Variants in PRKD1 observed in about 807,000 individuals in gnomAD.
The protein encoded by PRKD1 is serine/threonine-protein kinase D1.
PRKD1 carries 63 observed loss-of-function variants against 95.9 expected under a neutral mutation model. The observed-to-expected ratio is 0.66, with a 90% CI of 0.54 to 0.81. The LOEUF (loss-of-function observed/expected upper bound fraction) is 0.81. Among genes scored for constraint, PRKD1 ranks in the 30% least tolerant of loss-of-function variants. The probability of loss-of-function intolerance (pLI) is 0.00; values close to 1 mark genes in which losing one functional copy is unlikely to be tolerated. For synonymous variants in PRKD1, 425 were observed against 423.1 expected (o/e 1.00, Z -0.05); for missense variants, 1,048 against 1,165.3 (o/e 0.90, Z 1.47).
intron 2 of PRKD1, among the ~76,000 whole-genome samples, chr14:29,687,339 A>T (rs1883941425): frequency 6.6e-6 from 1 of 152,188 alleles, no homozygotes; most frequent in Non-Finnish European, 1.5e-5. Flanking sequence ...CAGATTTTTG[A>T]TGGGAAGAGA....
chr14:29,632,250 T>C (rs558481631), intron 9 of PRKD1, among the ~76,000 whole-genome samples: 11 of 152,206 alleles, frequency 7.2e-5, no homozygotes, highest in Non-Finnish European at 1.5e-4. Context: ...GTGACAGCTA[T>C]GTAAAATGGC....
intron 6 of PRKD1, among the ~76,000 whole-genome samples, chr14:29,637,225 A>G (rs1880446570): frequency 6.6e-6 from 1 of 152,202 alleles, no homozygotes. Context: ...GATTCAAGCC[A>G]CTGATTCTTA....
At chr14:29,882,441 A>C (rs1228672937) in intron 1 of PRKD1, among the ~76,000 whole-genome samples, 1 of 152,246 alleles carries the variant, frequency 6.6e-6, no homozygotes, top group Non-Finnish European at 1.5e-5. Context: ...GCTAAAAATA[A>C]ATAAGCTCCA....
chr14:29,704,135 A>C (rs1312758531), intron 2 of PRKD1, among the ~76,000 whole-genome samples: 2 of 152,152 alleles, frequency 1.3e-5, no homozygotes, highest in Non-Finnish European at 1.5e-5. Flanking sequence ...GAGGCTGAGA[A>C]AGGGTATCTA....
At chr14:29,664,761 G>C (rs751068370) in intron 3 of PRKD1, among the ~76,000 whole-genome samples, 15 of 152,162 alleles carry the variant, frequency 9.9e-5, no homozygotes, top group Non-Finnish European at 4.4e-5. Context: ...TTATATCATG[G>C]TGTCCTAGCA....
At chr14:29,581,154 G>A (rs1594335737) in intron 16 of PRKD1, among the ~76,000 whole-genome samples, 2 of 152,054 alleles carry the variant, frequency 1.3e-5, no homozygotes, top group East Asian at 3.9e-4. Context: ...TTTGGAGACA[G>A]TGATTCATTC....
At chr14:29,827,845 T>C (rs1891257308) in intron 1 of PRKD1, among the ~76,000 whole-genome samples, 1 of 152,180 alleles carries the variant, frequency 6.6e-6, no homozygotes, top group Admixed American at 6.6e-5. Flanking sequence ...ATTGCTATCA[T>C]TTCTTTGACA....
intron 4 of PRKD1, among the ~76,000 whole-genome samples, chr14:29,650,088 G>A (rs962425937): frequency 6.6e-6 from 1 of 151,930 alleles, no homozygotes; most frequent in Non-Finnish European, 1.5e-5. Flanking sequence ...GGGGTGGTGA[G>A]CCACTCTCGC....
chr14:29,626,403 GT>G, intron 12 of PRKD1, 80 bp downstream of exon 12: 4 of 1,151,434 alleles, frequency 3.5e-6, no homozygotes, highest in Non-Finnish European at 3.8e-6. Context: ...TCTCTTCTAT[GT>G]TTTTCCTGTA....
intron 2 of PRKD1, among the ~76,000 whole-genome samples, chr14:29,689,830 G>A (rs1475221310): frequency 6.6e-6 from 1 of 152,200 alleles, no homozygotes; most frequent in Non-Finnish European, 1.5e-5. Context: ...CAGGGATGTG[G>A]ATGGAGCTGG....
intron 1 of PRKD1, among the ~76,000 whole-genome samples, chr14:29,825,362 G>C (rs1348231896): frequency 6.6e-6 from 1 of 152,118 alleles, no homozygotes; most frequent in Non-Finnish European, 1.5e-5. Flanking sequence ...CAGACTTTAA[G>C]ACGTAGTCAC....
chr14:29,608,594 G>C (rs1241024452), intron 13 of PRKD1, among the ~76,000 whole-genome samples: 1 of 152,044 alleles, frequency 6.6e-6, no homozygotes, highest in African/African-American at 2.4e-5. Flanking sequence ...GTATTTTCAG[G>C]ATACTATATA....
At chr14:29,900,536 A>G (rs1182265759) in intron 1 of PRKD1, among the ~76,000 whole-genome samples, 1 of 152,256 alleles carries the variant, frequency 6.6e-6, no homozygotes, top group Non-Finnish European at 1.5e-5. Context: ...AATTACCAAC[A>G]GAGTAAACAG....
intron 1 of PRKD1, among the ~76,000 whole-genome samples, chr14:29,808,256 A>C (rs1156375739): frequency 6.6e-6 from 1 of 151,878 alleles, no homozygotes; most frequent in Non-Finnish European, 1.5e-5. Context: ...CACCAGGAGT[A>C]GATTCTAGAT....
At chr14:29,650,637 C>G (rs1436382542) in intron 4 of PRKD1, 1 of 152,194 alleles carries the variant, frequency 6.6e-6, no homozygotes, top group Non-Finnish European at 1.5e-5. Context: ...AGACTGAGCA[C>G]TAGACAAAGA....
At chr14:29,896,151 T>A (rs1894116785) in intron 1 of PRKD1, among the ~76,000 whole-genome samples, 1 of 152,190 alleles carries the variant, frequency 6.6e-6, no homozygotes, top group South Asian at 2.1e-4. Context: ...AAGTGAATCA[T>A]GCCCCAAACC....
chr14:29,920,052 G>GGAAGGAAA (rs1895042615), intron 1 of PRKD1, among the ~76,000 whole-genome samples: 1 of 134,050 alleles, frequency 7.5e-6, no homozygotes, highest in African/African-American at 3.3e-5. Context: ...AAGGAAGGAA[G>GGAAGGAAA]GAAGGAAGGA....
chr14:29,841,734 T>G (rs182698337), intron 1 of PRKD1, among the ~76,000 whole-genome samples: 1 of 152,158 alleles, frequency 6.6e-6, no homozygotes, highest in East Asian at 1.9e-4. Flanking sequence ...TATACTAACT[T>G]TATTTTTAAA....
At chr14:29,713,012 A>G (rs1885407727) in intron 2 of PRKD1, among the ~76,000 whole-genome samples, 1 of 152,142 alleles carries the variant, frequency 6.6e-6, no homozygotes, top group Non-Finnish European at 1.5e-5. Flanking sequence ...TGGCTTTGTT[A>G]ATGCAGGCAG....
Sources: allele counts gnomAD v4.1 joint callset (sites outside exome capture counted in the v4.1 genomes callset), GRCh38; gene constraint gnomAD v4.1.1; transcripts MANE v1.5; gene names NCBI Gene and HGNC (gene_info 2026-07-23, HGNC 2026-07-21).